IPPK: variants seen among roughly 807,000 people sequenced by gnomAD.
IPPK encodes inositol-pentakisphosphate 2-kinase.
IPPK carries 22 observed loss-of-function variants against 64.6 expected under a neutral mutation model. The ratio of observed to expected loss-of-function variants is 0.34; its 90% confidence interval spans 0.24 to 0.49. The LOEUF (loss-of-function observed/expected upper bound fraction) is 0.49. IPPK is among the 20% of genes least tolerant of loss of function. The pLI, the probability that IPPK is intolerant of heterozygous loss-of-function variation, is 0.99. For synonymous variants in IPPK, 262 were observed against 247.2 expected (o/e 1.06, Z -0.56); for missense variants, 532 against 630.7 (o/e 0.84, Z 1.68).
Position 92,648,083 on chromosome 9 carries a change from T to C in IPPK, c.480A>G (p.Arg160=). The change falls in exon 6 of 13, where the codon CGA becomes CGG. Residue 160 remains arginine (R), a synonymous_variant. Transcript: ENST00000287996. ...CCTTGAGGTGCTGGTGCATGCAGTA[T>C]CGACAGACCTTATGCTTCATCTCAT... The part of the protein sequence containing the change: ...VTHEMKHKVC[R]YCMHQHLKVA... 6.2e-7 allele frequency: 1 copy of C among 1,613,432 alleles called. No homozygotes were observed. The highest frequency in any genetic ancestry group is 8.5e-7 in the Non-Finnish European group (1 of 1,179,654).
chr9:92,649,207 G>A (rs1368622802), intron 5 of IPPK, among the ~76,000 whole-genome samples: 1 of 152,208 alleles, frequency 6.6e-6, no homozygotes, highest in Non-Finnish European at 1.5e-5. Context: ...AGGCATGCAG[G>A]GTGGGTGGGG....
At chr9:92,619,670 G>A (rs1851562008) in intron 11 of IPPK, 105 bp from the exon 12 acceptor site, 1 of 1,035,664 alleles carries the variant, frequency 9.7e-7, no homozygotes, top group East Asian at 2.6e-5. Context: ...TCCTGCCTCA[G>A]AACCTGAGGG....
At chr9:92,632,702 T>C (rs1851867369) in intron 11 of IPPK, among the ~76,000 whole-genome samples, 2 of 152,194 alleles carry the variant, frequency 1.3e-5, no homozygotes, top group African/African-American at 2.4e-5. Context: ...AACTCTGCCC[T>C]GGGCCTCTGC....
intron 11 of IPPK, 150 bp from the exon 12 acceptor site, chr9:92,619,715 C>A: frequency 2.9e-6 from 2 of 699,354 alleles, no homozygotes; most frequent in Non-Finnish European, 5.0e-6. Context: ...TGAGCACGGG[C>A]GTCAGGAGGT....
At chr9:92,667,513 T>A (rs1220948341) in intron 1 of IPPK, among the ~76,000 whole-genome samples, 1 of 152,220 alleles carries the variant, frequency 6.6e-6, no homozygotes, top group African/African-American at 2.4e-5. Flanking sequence ...CTTAACTTGA[T>A]GGGAAACATT....
chr9:92,625,488 G>A (rs1851716807), intron 11 of IPPK, among the ~76,000 whole-genome samples: 1 of 152,142 alleles, frequency 6.6e-6, no homozygotes, highest in African/African-American at 2.4e-5. Flanking sequence ...ACTAACAGTG[G>A]TGTGAACACA....
intron 1 of IPPK, among the ~76,000 whole-genome samples, chr9:92,663,709 C>A (rs1190000672): frequency 3.3e-5 from 5 of 152,198 alleles, no homozygotes; most frequent in African/African-American, 1.2e-4. Flanking sequence ...ACTACAAGAG[C>A]CTTTCAGGAC....
intron 11 of IPPK, among the ~76,000 whole-genome samples, chr9:92,628,741 G>A (rs1027903199): frequency 2.3e-4 from 35 of 152,146 alleles, no homozygotes; most frequent in African/African-American, 2.4e-5. Context: ...GCCGGGCATG[G>A]TGGCACATGC....
intron 11 of IPPK, among the ~76,000 whole-genome samples, chr9:92,630,713 A>G (rs997939710): frequency 6.6e-6 from 1 of 152,314 alleles, no homozygotes; most frequent in Non-Finnish European, 1.5e-5. Flanking sequence ...AATACTGCAC[A>G]TAAGTTTGGA....
intron 9 of IPPK, 143 bp downstream of exon 9, chr9:92,637,858 C>G (rs1328499954): frequency 1.2e-6 from 1 of 828,470 alleles, no homozygotes; most frequent in Non-Finnish European, 1.8e-6. Flanking sequence ...AGCGAGGCCC[C>G]GTGCTGGGAG....
chr9:92,656,603 C>T, intron 2 of IPPK, 52 bp from the exon 3 acceptor site: 1 of 1,258,510 alleles, frequency 7.9e-7, no homozygotes, highest in South Asian at 1.2e-5. Flanking sequence ...CCCAACAGAG[C>T]CTTGCTTGAG....
In IPPK at chr9:92,616,070, A is replaced by G. The variant is rs1490224799; in HGVS notation, c.1251-13T>C. 6.2e-7 allele frequency: 1 copy of G among 1,600,630 alleles called. No homozygotes were observed. The highest frequency in any genetic ancestry group is 1.3e-5 in the African/African-American group (1 of 74,650). ...CCTTTGATCAGAGCTGCAAGTAAAA[A>G]GTACCATTTCAGGATACACAAGCCC... On this transcript the variant is annotated splice_polypyrimidine_tract_variant and intron_variant, in intron 12 of 12. Transcript: ENST00000287996.
intron 12 of IPPK, chr9:92,619,027 C>T (rs753928421): frequency 7.0e-5 from 16 of 229,360 alleles, no homozygotes; most frequent in Non-Finnish European, 1.3e-4. Context: ...GCTGGTTATT[C>T]AGAAGAGGAA....
chr9:92,642,542 A>C (rs2277167), intron 7 of IPPK, among the ~76,000 whole-genome samples: 1 of 152,240 alleles, frequency 6.6e-6, no homozygotes, highest in Non-Finnish European at 1.5e-5. Context: ...AAAAGTGAGC[A>C]AGCACGTCAA....
intron 4 of IPPK, among the ~76,000 whole-genome samples, chr9:92,650,165 T>C (rs563810560): frequency 2.0e-5 from 3 of 146,832 alleles, no homozygotes; most frequent in Middle Eastern, 7.4e-3. Flanking sequence ...CTACTAAAAA[T>C]ACAAAAAATT....
intron 6 of IPPK, among the ~76,000 whole-genome samples, chr9:92,644,356 C>T (rs964138824): frequency 1.3e-5 from 2 of 152,170 alleles, no homozygotes; most frequent in Admixed American, 6.5e-5. Context: ...AGGTTCAGAA[C>T]CTTGAAAATG....
intron 11 of IPPK, among the ~76,000 whole-genome samples, chr9:92,630,400 A>G (rs1399252368): frequency 6.6e-6 from 1 of 152,214 alleles, no homozygotes; most frequent in African/African-American, 2.4e-5. Context: ...CAATGGGACG[A>G]TAGCTAAAGG....
intron 5 of IPPK, 143 bp downstream of exon 5, chr9:92,649,310 G>A (rs1162070214): frequency 5.5e-6 from 5 of 915,168 alleles, no homozygotes; most frequent in Non-Finnish European, 8.4e-6. Context: ...TGGAAGGACA[G>A]AAACAAGTGG....
rs765240519 is a variant in IPPK, at chr9:92,670,040, G to A, written c.-52C>T. On this transcript the variant is annotated 5_prime_UTR_variant, in exon 1 of 13. Transcript: ENST00000287996. ...GGGCTAGGACTCGGGGACGCGAGCT[G>A]GGGGCCGCCCGCCTCGCTGGGAACC... The A allele has an allele frequency of 1.5e-5, 20 of 1,374,730 alleles. No homozygotes were observed. The African/African-American group carries it at 1.6e-4, about 11-fold the overall frequency. 85.2% of individuals were successfully genotyped at this position (1,374,730 alleles called of 1,614,324 possible). A position where few individuals can be genotyped will look rare whatever the true frequency, so the allele number is the denominator to read the frequency against.
Sources: gnomAD v4.1 joint callset for allele counts (sites outside exome capture counted in the v4.1 genomes callset) on GRCh38, gnomAD v4.1.1 for gene constraint, MANE v1.5 for transcripts, NCBI Gene and HGNC (gene_info 2026-07-23, HGNC 2026-07-21) for gene names.